KLHL1: variants seen among roughly 807,000 people sequenced by gnomAD.
KLHL1 encodes the protein kelch-like protein 1.
A neutral mutation model predicts 77.7 loss-of-function variants in KLHL1; 47 were observed. The ratio of observed to expected loss-of-function variants is 0.60; its 90% CI spans 0.48 to 0.77. The LOEUF is 0.77. Ranked by LOEUF, KLHL1 falls within the 30% of genes least tolerant of loss-of-function variation. The probability of loss-of-function intolerance (pLI) is 0.00; values close to 1 mark genes in which losing one functional copy is unlikely to be tolerated. For synonymous variants in KLHL1, 360 were observed against 325.2 expected (o/e 1.11, Z -1.15); for missense variants, 925 against 910.8 (o/e 1.02, Z -0.20).
chr13:70,042,007 C>G (rs545466930), intron 1 of KLHL1, among the ~76,000 whole-genome samples: 1 of 152,204 alleles, frequency 6.6e-6, no homozygotes, highest in African/African-American at 2.4e-5. Context: ...TGTTTATCAT[C>G]TAAAAGTTTT....
At chr13:69,749,087 T>G (rs1183007338) in intron 7 of KLHL1, among the ~76,000 whole-genome samples, 1 of 152,052 alleles carries the variant, frequency 6.6e-6, no homozygotes, top group African/African-American at 2.4e-5. Context: ...TGCCTTATTA[T>G]GTGATTCTCA....
intron 1 of KLHL1, among the ~76,000 whole-genome samples, chr13:70,021,665 C>A (rs1038912794): frequency 2.6e-5 from 4 of 151,974 alleles, no homozygotes; most frequent in Admixed American, 1.3e-4. Context: ...CACGTCCTTG[C>A]CAGCATTAGA....
chr13:70,102,440 A>G (rs1324423355), intron 1 of KLHL1, among the ~76,000 whole-genome samples: 1 of 152,186 alleles, frequency 6.6e-6, no homozygotes, highest in Non-Finnish European at 1.5e-5. Context: ...ACTAAGGCTT[A>G]TCTAGAATTT....
intron 10 of KLHL1, among the ~76,000 whole-genome samples, chr13:69,704,281 C>A (rs1425254350): frequency 6.6e-6 from 1 of 151,622 alleles, no homozygotes; most frequent in Non-Finnish European, 1.5e-5. Flanking sequence ...GAATCCTTGA[C>A]CCTTCTTTTT....
chr13:70,030,863 G>T (rs1057402052), intron 1 of KLHL1, among the ~76,000 whole-genome samples: 2 of 151,900 alleles, frequency 1.3e-5, no homozygotes, highest in Non-Finnish European at 2.9e-5. Context: ...TAATAAAGAA[G>T]AAAAGAGAGA....
intron 1 of KLHL1, among the ~76,000 whole-genome samples, chr13:70,041,000 G>T (rs938721706): frequency 6.6e-6 from 1 of 151,848 alleles, no homozygotes; most frequent in South Asian, 2.1e-4. Flanking sequence ...GAAATTCTTC[G>T]TTTGACATCT....
intron 10 of KLHL1, 82 bp downstream of exon 10, chr13:69,707,543 C>G (rs1334651847): frequency 1.5e-6 from 2 of 1,314,990 alleles, no homozygotes; most frequent in African/African-American, 2.9e-5. Context: ...GACTAGATTA[C>G]TGTTTGTATA....
chr13:70,067,783 C>T (rs1413541840), intron 1 of KLHL1, among the ~76,000 whole-genome samples: 1 of 152,100 alleles, frequency 6.6e-6, no homozygotes, highest in African/African-American at 2.4e-5. Context: ...GTGAGAGCCA[C>T]CATCTTTTCC....
At chr13:69,765,234 G>A (rs889110999) in intron 7 of KLHL1, among the ~76,000 whole-genome samples, 3 of 151,970 alleles carry the variant, frequency 2.0e-5, no homozygotes, top group Non-Finnish European at 2.9e-5. Flanking sequence ...CTACAGGCAT[G>A]AGCCACCGCA....
At chr13:69,953,281 T>C (rs2137257708) in intron 3 of KLHL1, among the ~76,000 whole-genome samples, 1 of 151,210 alleles carries the variant, frequency 6.6e-6, no homozygotes, top group Admixed American at 6.6e-5. Flanking sequence ...AGGCTACTCA[T>C]TTGATGTACA....
intron 4 of KLHL1, among the ~76,000 whole-genome samples, chr13:69,897,336 T>G (rs1187292262): frequency 1.3e-5 from 2 of 152,156 alleles, no homozygotes; most frequent in African/African-American, 4.8e-5. Context: ...CTTAAAATTT[T>G]TGGACACCCC....
intron 1 of KLHL1, among the ~76,000 whole-genome samples, chr13:70,057,396 T>C (rs1886766212): frequency 7.2e-6 from 1 of 138,634 alleles, no homozygotes; most frequent in Admixed American, 7.8e-5. Context: ...TTCCAAAAAC[T>C]ATAAGGAGGG....
chr13:69,712,227 T>C (rs1028930986), intron 9 of KLHL1, among the ~76,000 whole-genome samples: 2 of 150,690 alleles, frequency 1.3e-5, no homozygotes, highest in Non-Finnish European at 3.0e-5. Context: ...GATGATCCTA[T>C]GTAGGTCCAG....
intron 1 of KLHL1, among the ~76,000 whole-genome samples, chr13:70,004,834 A>G (rs956651452): frequency 1.5e-4 from 23 of 151,670 alleles, no homozygotes; most frequent in Non-Finnish European, 2.4e-4. Flanking sequence ...GCTGAAAACA[A>G]TGAAATTTGA....
chr13:69,753,342 G>A (rs1416265357), intron 7 of KLHL1, among the ~76,000 whole-genome samples: 3 of 152,268 alleles, frequency 2.0e-5, no homozygotes, highest in East Asian at 1.9e-4. Flanking sequence ...CTCAGGAATC[G>A]AGTCAGGAAT....
intron 6 of KLHL1, among the ~76,000 whole-genome samples, chr13:69,814,221 T>A (rs1319100257): frequency 6.6e-6 from 1 of 152,078 alleles, no homozygotes; most frequent in East Asian, 1.9e-4. Flanking sequence ...CACTCCTACC[T>A]CTCCACACAT....
chr13:69,832,005 A>T (rs1296872493), intron 6 of KLHL1, among the ~76,000 whole-genome samples: 1 of 150,164 alleles, frequency 6.7e-6, no homozygotes, highest in Non-Finnish European at 1.5e-5. Flanking sequence ...CTGGATGAGG[A>T]AAAGTTGAAA....
chr13:69,888,462 G>C (rs1269504920), intron 4 of KLHL1, among the ~76,000 whole-genome samples: 1 of 152,068 alleles, frequency 6.6e-6, no homozygotes, highest in East Asian at 1.9e-4. Context: ...GTCTTTCTAA[G>C]AGAAATTTTG....
At chr13:69,802,736 A>G (rs1593846189) in intron 6 of KLHL1, among the ~76,000 whole-genome samples, 2 of 151,078 alleles carry the variant, frequency 1.3e-5, no homozygotes, top group East Asian at 4.0e-4. Context: ...GCACCCCCAT[A>G]GAGTTGTGAG....
Sources: allele counts gnomAD v4.1 joint callset (sites outside exome capture counted in the v4.1 genomes callset), GRCh38; gene constraint gnomAD v4.1.1; transcripts MANE v1.5; gene names NCBI Gene and HGNC (gene_info 2026-07-23, HGNC 2026-07-21).